The following UBAC2 variants were observed in gnomAD, a reference collection of about 807,000 sequenced individuals.
The protein encoded by UBAC2 is UBA domain containing 2.
UBAC2 carries 26 observed loss-of-function variants against 44.0 expected under a neutral mutation model. The ratio of observed to expected loss-of-function variants is 0.59; its 90% confidence interval spans 0.43 to 0.82. The LOEUF is 0.82. Ranked by LOEUF, UBAC2 falls within the 40% of genes least tolerant of loss-of-function variation. UBAC2 has a pLI of 0.00. For missense variants in UBAC2, 329 were observed against 419.4 expected, an observed-to-expected ratio of 0.78 and a Z score of 1.88; for synonymous variants, 155 against 154.3, an observed-to-expected ratio of 1.00 and a Z score of -0.04.
rs764710507 is a variant in UBAC2, at chr13:99,319,871, G to T, written c.561+1802G>T. ...AACCAGCCTGAGAACAGCAAAGAAG[G>T]AGCTCATTGCTTTGATCATGAGAGA... is the stretch of plus-strand genomic sequence containing the variant. On this transcript the variant is annotated intron_variant, in intron 6 of 8. Transcript: ENST00000403766. Among the ~76,000 whole-genome samples, 106 of 152,310 alleles carry T rather than the reference G, an allele frequency of 7.0e-4. 1 individual carries two copies. The highest frequency in any genetic ancestry group is 3.4e-3 in the Middle Eastern group (1 of 294).
intron 8 of UBAC2, among the ~76,000 whole-genome samples, chr13:99,374,057 A>G (rs1329522845): frequency 2.0e-5 from 3 of 152,232 alleles, no homozygotes; most frequent in Non-Finnish European, 4.4e-5. Flanking sequence ...TTAGTGACAG[A>G]TCTATTTGGC....
chr13:99,242,722 T>G (rs1439082359), intron 2 of UBAC2, among the ~76,000 whole-genome samples: 11 of 102,426 alleles, frequency 1.1e-4, no homozygotes, highest in Admixed American at 2.2e-4. Context: ...GCGGCTGGCC[T>G]GGCCGGGGCT....
At chr13:99,234,171 CTTTTTTTTTTTTTTTTTT>C (rs773370310) in intron 1 of UBAC2, among the ~76,000 whole-genome samples, 2 of 61,712 alleles carry the variant, frequency 3.2e-5, no homozygotes, top group East Asian at 5.4e-4. Flanking sequence ...CTAGCCGTTT[CTTTTTTTTTTTTTTTTTT>C]TTTTTTTTTT....
At chr13:99,340,195 C>A in intron 6 of UBAC2, 125 bp from the exon 7 acceptor site, 1 of 1,045,132 alleles carries the variant, frequency 9.6e-7, no homozygotes, top group Non-Finnish European at 1.4e-6. Flanking sequence ...TTGCTTATTG[C>A]CTAACACTGC....
chr13:99,254,899 T>C (rs372086125), intron 4 of UBAC2: 1 of 1,613,472 alleles, frequency 6.2e-7, no homozygotes, highest in South Asian at 1.1e-5. Context: ...ACTGTTTATA[T>C]TGCTTAGTGA....
intron 8 of UBAC2, chr13:99,377,391 T>G (rs937658799): frequency 6.6e-6 from 1 of 152,238 alleles, no homozygotes; most frequent in Non-Finnish European, 1.5e-5. Context: ...CTGTGGATGT[T>G]AGATCGGATC....
intron 7 of UBAC2, among the ~76,000 whole-genome samples, chr13:99,350,231 A>G (rs1415396191): frequency 6.6e-6 from 1 of 152,118 alleles, no homozygotes; most frequent in Admixed American, 6.5e-5. Flanking sequence ...TTTTATACTG[A>G]AACAGTTGTG....
chr13:99,214,219 G>T (rs2042965925), intron 1 of UBAC2, among the ~76,000 whole-genome samples: 1 of 145,042 alleles, frequency 6.9e-6, no homozygotes, highest in African/African-American at 2.5e-5. Context: ...GGCATCTTTG[G>T]TTTGTTTTTT....
rs1220429048 is a variant in UBAC2 at position 99,385,480 on chromosome 13, C to T, written c.*145C>T. The T allele has an allele frequency of 6.4e-6, 4 of 620,320 alleles. No individual in the cohort carries two copies. Among genetic ancestry groups the T allele is most frequent in the East Asian group, 2.8e-5 (1 of 36,288 alleles). The allele number at this position is 620,320 out of a possible 1,614,324, so 38.4% of individuals were successfully genotyped here. A position where few individuals can be genotyped will look rare whatever the true frequency, so the allele number is the denominator to read the frequency against. On this transcript the variant is annotated 3_prime_UTR_variant, in exon 9 of 9. Coordinates refer to ENST00000403766, the MANE Select transcript of UBAC2 (RefSeq NM_001144072.2). Reference sequence around the variant, plus strand: ...GTTCCACCGCACCCCTGCCCTCAACCGCAAGACTGTTGCCGTTTTAGTGTG... The same window carrying T: ...GTTCCACCGCACCCCTGCCCTCAACTGCAAGACTGTTGCCGTTTTAGTGTG...
At chr13:99,299,148 G>A (rs556478985) in intron 4 of UBAC2, among the ~76,000 whole-genome samples, 30 of 152,276 alleles carry the variant, frequency 2.0e-4, no homozygotes, top group East Asian at 3.9e-4. Context: ...ATACAAATGC[G>A]TGTCTGACTG....
At chr13:99,215,686 C>G in intron 1 of UBAC2, 1 of 1,496,200 alleles carries the variant, frequency 6.7e-7, no homozygotes. Flanking sequence ...AACTGCAAGC[C>G]GGCTCTCTGC....
At chr13:99,220,419 C>G (rs553992698) in intron 1 of UBAC2, among the ~76,000 whole-genome samples, 25 of 152,266 alleles carry the variant, frequency 1.6e-4, no homozygotes, top group African/African-American at 5.8e-4. Flanking sequence ...ATAAAATAAT[C>G]CACATATACT....
intron 4 of UBAC2, among the ~76,000 whole-genome samples, chr13:99,299,314 A>G (rs1220626638): frequency 6.6e-6 from 1 of 152,254 alleles, no homozygotes; most frequent in African/African-American, 2.4e-5. Context: ...GAATACAGGA[A>G]TACAGCCATG....
At chr13:99,273,460 T>C (rs1011613494) in intron 4 of UBAC2, among the ~76,000 whole-genome samples, 1 of 152,128 alleles carries the variant, frequency 6.6e-6, no homozygotes, top group African/African-American at 2.4e-5. Context: ...TCTCAGAAAT[T>C]AGCAGTATTG....
rs141255314 is a variant in UBAC2, at chr13:99,212,979, C to T, written c.31+12040C>T. On this transcript the variant is annotated intron_variant, in intron 1 of 8. Transcript: ENST00000403766. ...TTTATGTAGTGTAGAAGGGATTAGTCCCACATAATGATTCCCACGCCCACG... is the reference window on the plus strand; with the variant it reads ...TTTATGTAGTGTAGAAGGGATTAGTTCCACATAATGATTCCCACGCCCACG... Among the ~76,000 whole-genome samples, 141 of 152,290 alleles carry T rather than the reference C, an allele frequency of 9.3e-4. 1 individual carries two copies. Among genetic ancestry groups the T allele is most frequent in the African/African-American group, 3.2e-3 (133 of 41,560 alleles).
intron 4 of UBAC2, among the ~76,000 whole-genome samples, chr13:99,293,760 A>G (rs2044126159): frequency 6.6e-6 from 1 of 152,258 alleles, no homozygotes; most frequent in South Asian, 2.1e-4. Flanking sequence ...TAATTTTCAT[A>G]CAGAGTAAAA....
intron 4 of UBAC2, among the ~76,000 whole-genome samples, chr13:99,311,980 A>G (rs1035322007): frequency 6.6e-6 from 1 of 151,808 alleles, no homozygotes; most frequent in Admixed American, 6.6e-5. Flanking sequence ...GGTGTATCTC[A>G]CATCTCTGTG....
intron 7 of UBAC2, among the ~76,000 whole-genome samples, chr13:99,363,329 A>G (rs1044795994): frequency 6.6e-6 from 1 of 152,226 alleles, no homozygotes; most frequent in Non-Finnish European, 1.5e-5. Flanking sequence ...TTTAACTTCA[A>G]GTAGTCTAGT....
At chr13:99,338,047 C>CTTTTCTTTTTTT (rs2044820894) in intron 6 of UBAC2, among the ~76,000 whole-genome samples, 5 of 48,866 alleles carry the variant, frequency 1.0e-4, no homozygotes, top group African/African-American at 2.8e-4. Context: ...TTCTTTTTTT[C>CTTTTCTTTTTTT]TTTTTTTTTT....
Sources: gnomAD v4.1 joint callset for allele counts (sites outside exome capture counted in the v4.1 genomes callset) on GRCh38, gnomAD v4.1.1 for gene constraint, MANE v1.5 for transcripts, NCBI Gene and HGNC (gene_info 2026-07-23, HGNC 2026-07-21) for gene names.